Variants in KRT76 observed in about 807,000 individuals in gnomAD.
KRT76 encodes keratin 76.
In KRT76, 47 loss-of-function variants were observed where a neutral mutation model predicts 44.9. The ratio of observed to expected loss-of-function variants is 1.05; its 90% CI spans 0.83 to 1.33. The LOEUF (loss-of-function observed/expected upper bound fraction) is 1.33, where lower values mean the gene tolerates loss of function less well. Among genes scored for constraint, KRT76 ranks in the 40% most tolerant of loss-of-function variants. The pLI, the probability that KRT76 is intolerant of heterozygous loss-of-function variation, is 0.00. For synonymous variants in KRT76, 331 were observed against 294.1 expected (o/e 1.13, Z -1.28); for missense variants, 860 against 775.8 (o/e 1.11, Z -1.29).
At chr12:52,770,524 T>C (rs919404322) in intron 7 of KRT76, among the ~76,000 whole-genome samples, 1 of 152,240 alleles carries the variant, frequency 6.6e-6, no homozygotes, top group Non-Finnish European at 1.5e-5. Context: ...ACTGTCTATA[T>C]TGAGCTTTCC....
intron 5 of KRT76, 34 bp from the exon 6 acceptor site, chr12:52,772,030 G>A (rs1238868545): frequency 1.2e-6 from 2 of 1,610,634 alleles, no homozygotes; most frequent in Non-Finnish European, 1.7e-6. Context: ...CGTGGCTTTT[G>A]CAAAGTGTTG....
chr12:52,773,522 C>T (rs1243250167), intron 3 of KRT76, 60 bp downstream of exon 3: 4 of 1,285,976 alleles, frequency 3.1e-6, no homozygotes, highest in Non-Finnish European at 3.4e-6. Context: ...GCTGTGCACT[C>T]TCTCCATGGG....
At chr12:52,772,750 G>A in intron 4 of KRT76, 33 bp downstream of exon 4, 1 of 1,437,690 alleles carries the variant, frequency 7.0e-7, no homozygotes, top group Non-Finnish European at 9.8e-7. Context: ...AATCAGACAG[G>A]AAGGTTCTGC....
At chr12:52,773,471 TC>T in intron 3 of KRT76, 110 bp downstream of exon 3, 1 of 679,270 alleles carries the variant, frequency 1.5e-6, no homozygotes, top group Non-Finnish European at 2.6e-6. Context: ...AAAGTGTCAA[TC>T]CCACACACAA....
chr12:52,772,312 G>A, intron 4 of KRT76, 54 bp from the exon 5 acceptor site: 1 of 1,510,644 alleles, frequency 6.6e-7, no homozygotes, highest in Non-Finnish European at 9.0e-7. Context: ...GGGGATGCTG[G>A]GAATCCTCTA....
At chr12:52,773,726 C>G in intron 2 of KRT76, 84 bp from the exon 3 acceptor site, 1 of 1,168,688 alleles carries the variant, frequency 8.6e-7, no homozygotes, top group Non-Finnish European at 1.3e-6. Context: ...CTCTCCTCAC[C>G]TGCGCAGAGA....
Position 52,771,837 on chromosome 12 carries a change from A to C in KRT76, c.1263+34T>G, listed in dbSNP as rs12828901. On this transcript the variant is annotated intron_variant, in intron 6 of 8. Coordinates refer to ENST00000332411, the MANE Select transcript of KRT76 (RefSeq NM_015848.4). ...GCTGCTTCTCTCCGGGGCCCAGAAG[A>C]CCTCTGGGATCTCTCCGTTAAACCC... The C allele has an allele frequency of 2.5e-6, 4 of 1,598,910 alleles. No homozygotes were observed. The South Asian group carries it at 3.4e-5, about 13-fold the overall frequency.
chr12:52,770,493 T>G (rs1290988184), intron 7 of KRT76, among the ~76,000 whole-genome samples: 1 of 152,238 alleles, frequency 6.6e-6, no homozygotes, highest in African/African-American at 2.4e-5. Flanking sequence ...TGGACTCAGC[T>G]TCAGGGGTGG....
Position 52,775,574 on chromosome 12 carries a change from A to G in KRT76, c.629T>C (p.Val210Ala). The change falls in exon 2 of 9, where the codon GTC becomes GCC. Residue 210 changes from valine to alanine, a missense_variant. Transcript: ENST00000332411. ...KVRFLEQQNK[V>A]LETKWELLQQ... Reference sequence around the variant, plus strand: ...GAGCAGTTCCCACTTGGTCTCCAGGACCTTGTTCTGCTGTTCCAGGAACCG... The same window carrying G: ...GAGCAGTTCCCACTTGGTCTCCAGGGCCTTGTTCTGCTGTTCCAGGAACCG... 6.2e-7 allele frequency: 1 copy of G among 1,613,782 alleles called. No homozygotes were observed. Among genetic ancestry groups the G allele is most frequent in the South Asian group, 1.1e-5 (1 of 91,050 alleles).
intron 7 of KRT76, 47 bp downstream of exon 7, chr12:52,770,952 T>C: frequency 6.2e-7 from 1 of 1,611,378 alleles, no homozygotes; most frequent in Non-Finnish European, 8.5e-7. Context: ...TTATCAAAGG[T>C]CACTCTAAAA....
At chr12:52,776,279 C>T (rs1454951990) in intron 1 of KRT76, among the ~76,000 whole-genome samples, 1 of 152,156 alleles carries the variant, frequency 6.6e-6, no homozygotes, top group Non-Finnish European at 1.5e-5. Context: ...TGCCAATGCA[C>T]CTCATTTAGA....
In KRT76 at chr12:52,776,641, G is replaced by C. The variant is rs190455874; in HGVS notation, c.600+51C>G. 2.1e-5 allele frequency: 34 copies of C among 1,612,468 alleles called. No homozygotes were observed. The African/African-American group carries it at 4.0e-4, about 19-fold the overall frequency. On this transcript the variant is annotated intron_variant, in intron 1 of 8. Transcript: ENST00000332411. Reference sequence around the variant, plus strand: ...AGTCCCCATGGCATCTTTCTACACCGACCCCTGGGCACCCCAAACCCTCCA... The same window carrying C: ...AGTCCCCATGGCATCTTTCTACACCCACCCCTGGGCACCCCAAACCCTCCA...
chr12:52,769,476 G>C, intron 8 of KRT76, 73 bp downstream of exon 8: 1 of 1,309,272 alleles, frequency 7.6e-7, no homozygotes. Context: ...CTTGCCTGAA[G>C]GTCAGTCAGT....
rs752531298 is a variant in KRT76 at position 52,771,114 on chromosome 12, C to G, written c.1369G>C (p.Ala457Pro). The G allele has an allele frequency of 6.2e-7, 1 of 1,614,046 alleles. No individual in the cohort carries two copies. The highest frequency in any genetic ancestry group is 1.3e-5 in the African/African-American group (1 of 74,906). ...LQDLQTALQKAKDDLARLLRD... is the reference protein window; with the variant it reads ...LQDLQTALQKPKDDLARLLRD... ...AGGAGCCGAGCCAGGTCATCCTTAG[C>G]CTTCTGTAGGGCAGTCTGCAAGTCT... The change falls in exon 7 of 9, where the codon GCT becomes CCT. Residue 457 changes from alanine (A) to proline (P), a missense_variant. Physicochemically the swap from Ala to Pro is conservative, Grantham distance 27 (BLOSUM62 -1). Coordinates refer to ENST00000332411, the MANE Select transcript of KRT76 (RefSeq NM_015848.4).
chr12:52,772,098 G>T lies in KRT76; in HGVS notation c.1133C>A (p.Thr378Asn). The change falls in exon 5 of 9, where the codon ACC (threonine) becomes AAC (asparagine). Residue 378 changes from threonine (T) to asparagine (N), a missense_variant. Transcript: ENST00000332411. ...GGACACAGGGAGGGTTCCCACCTTG[G>T]TCTGGTACAGGGCCTCAGCTTCAGA... ...SKSEAEALYQ[T>N]KLGELQTTAG... The T allele has an allele frequency of 6.2e-7, 1 of 1,609,546 alleles. No individual in the cohort carries two copies. The highest frequency in any genetic ancestry group is 8.5e-7 in the Non-Finnish European group (1 of 1,177,292).
At chr12:52,772,711 G>T in intron 4 of KRT76, 72 bp downstream of exon 4, 2 of 1,071,032 alleles carry the variant, frequency 1.9e-6, no homozygotes, top group Non-Finnish European at 2.9e-6. Flanking sequence ...TGTGCTGTTT[G>T]GCTGTCCCCT....
chr12:52,776,545 A>G (rs1401739883), intron 1 of KRT76, 147 bp downstream of exon 1: 1 of 1,267,902 alleles, frequency 7.9e-7, no homozygotes. Context: ...TGAAAGGGGC[A>G]TGATCACTGT....
Position 52,769,685 on chromosome 12 carries a change from T to G in KRT76, c.1485-102A>C, listed in dbSNP as rs145093236. On this transcript the variant is annotated intron_variant, in intron 7 of 8. Transcript: ENST00000332411. ...AGCCACGCCCTCCCATTTGCCCCAC[T>G]AGGGGTCAAGCTCCTGCAAGAAGAA... 214 of 954,186 alleles carry G rather than the reference T, an allele frequency of 2.2e-4. 2 individuals carry two copies. The East Asian group carries it at 5.1e-3, about 23-fold the overall frequency. The allele number at this position is 954,186 out of a possible 1,614,324, so 59.1% of individuals were successfully genotyped here. A position where few individuals can be genotyped will look rare whatever the true frequency, so the allele number is the denominator to read the frequency against.
At chr12:52,769,711 A>C in intron 7 of KRT76, 128 bp from the exon 8 acceptor site, 2 of 758,248 alleles carry the variant, frequency 2.6e-6, no homozygotes, top group South Asian at 3.0e-5. Context: ...GCAAGAAGAA[A>C]GCCTATTCCA....
Sources: allele counts gnomAD v4.1 joint callset (sites outside exome capture counted in the v4.1 genomes callset), GRCh38; gene constraint gnomAD v4.1.1; transcripts MANE v1.5; gene names NCBI Gene and HGNC (gene_info 2026-07-23, HGNC 2026-07-21).